Variants in IFNLR1 observed in about 807,000 individuals in gnomAD.
The protein encoded by IFNLR1 is CRF2-12.
IFNLR1 carries 28 observed loss-of-function variants against 52.5 expected under a neutral mutation model. The ratio of observed to expected loss-of-function variants is 0.53; its 90% CI spans 0.40 to 0.73. The LOEUF (loss-of-function observed/expected upper bound fraction) is 0.73. Ranked by LOEUF, IFNLR1 falls within the 30% of genes least tolerant of loss-of-function variation. The pLI, the probability that IFNLR1 is intolerant of heterozygous loss-of-function variation, is 0.00. For synonymous variants in IFNLR1, 276 were observed against 274.9 expected (o/e 1.00, Z -0.04); for missense variants, 623 against 659.1 (o/e 0.95, Z 0.60).
intron 2 of IFNLR1, among the ~76,000 whole-genome samples, chr1:24,177,254 A>G (rs1178978338): frequency 3.9e-5 from 6 of 152,230 alleles, no homozygotes; most frequent in African/African-American, 1.2e-4. Context: ...GGCTCACACG[A>G]TCACAAGGCG....
Position 24,157,040 on chromosome 1 carries a change from G to T in IFNLR1, c.*90C>A. 1 of 1,441,532 alleles carries T rather than the reference G, an allele frequency of 6.9e-7. No homozygotes were observed. Among genetic ancestry groups the T allele is most frequent in the Non-Finnish European group, 9.4e-7 (1 of 1,066,688 alleles). 89.3% of individuals were successfully genotyped at this position (1,441,532 alleles called of 1,614,324 possible). A position where few individuals can be genotyped will look rare whatever the true frequency, so the allele number is the denominator to read the frequency against. On this transcript the variant is annotated 3_prime_UTR_variant, in exon 7 of 7. Coordinates refer to ENST00000327535, the MANE Select transcript of IFNLR1 (RefSeq NM_170743.4). The surrounding 1 kb of genome is among the most constrained non-coding windows in gnomAD (Gnocchi z 5.1). ...CAATGCCCCTCCGCCGCCCAGGGGAGGTACGGAGGCTCTTGAGTTTCTTGG... is the reference window on the plus strand; with the variant it reads ...CAATGCCCCTCCGCCGCCCAGGGGATGTACGGAGGCTCTTGAGTTTCTTGG...
rs138626979 is a variant in IFNLR1, at chr1:24,155,357, A to G, written c.*1773T>C. On this transcript the variant is annotated 3_prime_UTR_variant, in exon 7 of 7. Coordinates refer to ENST00000327535, the MANE Select transcript of IFNLR1 (RefSeq NM_170743.4). ...GAGATCGAAGCTCTTACCCTTGGGG[A>G]TGTGCACAAGTCATCAGAGCAGCAC... The G allele has an allele frequency of 6.6e-6, 1 of 152,284 alleles. No homozygotes were observed. Among genetic ancestry groups the G allele is most frequent in the African/African-American group, 2.4e-5 (1 of 41,550 alleles). The allele number at this position is 152,284 out of a possible 1,614,324, so 9.4% of individuals were successfully genotyped here.
intron 4 of IFNLR1, 104 bp from the exon 5 acceptor site, chr1:24,159,737 G>GTTTTTTTTGTTTTGT: frequency 2.2e-6 from 1 of 458,766 alleles, no homozygotes; most frequent in African/African-American, 3.3e-5. Context: ...TTTTTTTTTT[G>GTTTTTTTTGTTTTGT]TTTTTTTTTT....
chr1:24,155,022 G>A lies in IFNLR1; in HGVS notation c.*2108C>T, dbSNP rs1273357103. 3 of 152,232 alleles carry A rather than the reference G, an allele frequency of 2.0e-5. No individual in the cohort carries two copies. The highest frequency in any genetic ancestry group is 3.8e-4 in the East Asian group (2 of 5,196). 9.4% of individuals were successfully genotyped at this position (152,232 alleles called of 1,614,324 possible). On this transcript the variant is annotated 3_prime_UTR_variant, in exon 7 of 7. Transcript: ENST00000327535. ...TTTACTTTTTTGAAGTTACCTCCAC[G>A]AAGCAGCTCGGCTGGTGCCAGAGAG...
At chr1:24,168,694 A>C (rs1470255064) in intron 3 of IFNLR1, among the ~76,000 whole-genome samples, 1 of 150,688 alleles carries the variant, frequency 6.6e-6, no homozygotes, top group Non-Finnish European at 1.5e-5. Flanking sequence ...CCCCCCACAA[A>C]TTTCTACAGT....
rs1052559522 is a variant in IFNLR1, at chr1:24,182,015, C to G, written c.59-1161G>C. Among the ~76,000 whole-genome samples the G allele has an allele frequency of 3.3e-5, 5 of 152,178 alleles. No homozygotes were observed. The South Asian group carries it at 6.2e-4, about 19-fold the overall frequency. On this transcript the variant is annotated intron_variant, in intron 1 of 6. Coordinates refer to ENST00000327535, the MANE Select transcript of IFNLR1 (RefSeq NM_170743.4). Reference sequence around the variant, plus strand: ...GGAATTCAAGACCAGTCTTGGCCAACTTGGTGAAACCTCGTCTCTACTAAA... The same window carrying G: ...GGAATTCAAGACCAGTCTTGGCCAAGTTGGTGAAACCTCGTCTCTACTAAA...
chr1:24,178,104 G>A (rs1024487321), intron 2 of IFNLR1, among the ~76,000 whole-genome samples: 27 of 152,062 alleles, frequency 1.8e-4, no homozygotes, highest in African/African-American at 6.5e-4. Flanking sequence ...GGCCAACATG[G>A]TGAAACCCCG....
At chr1:24,176,674 A>G (rs1351928236) in intron 2 of IFNLR1, among the ~76,000 whole-genome samples, 3 of 152,254 alleles carry the variant, frequency 2.0e-5, no homozygotes, top group Non-Finnish European at 2.9e-5. Flanking sequence ...ATGGAAGCAT[A>G]CAGTTTTTTA....
chr1:24,161,279 C>T, intron 4 of IFNLR1: 2 of 587,572 alleles, frequency 3.4e-6, no homozygotes. Flanking sequence ...GTGGTCATCT[C>T]TGGGTACTTT....
chr1:24,175,934 CAAA>C (rs10713683), intron 2 of IFNLR1, among the ~76,000 whole-genome samples: 3 of 91,898 alleles, frequency 3.3e-5, no homozygotes, highest in African/African-American at 3.5e-5. Flanking sequence ...AACTCTGTTT[CAAA>C]AAAAAAAAAA....
Position 24,169,328 on chromosome 1 carries a change from T to A in IFNLR1, c.367+89A>T, listed in dbSNP as rs1025705639. On this transcript the variant is annotated intron_variant, in intron 3 of 6. Coordinates refer to ENST00000327535, the MANE Select transcript of IFNLR1 (RefSeq NM_170743.4). ...CTGCTTTGGGGAAGTGGGAGACAGA[T>A]GGTCAGGAGAACAGAACCACTGAGC... is the stretch of plus-strand genomic sequence containing the variant. The A allele has an allele frequency of 4.0e-6, 5 of 1,244,774 alleles. No individual in the cohort carries two copies. In the Admixed American group the frequency reaches 6.9e-5, roughly 17 times the overall value. The allele number at this position is 1,244,774 out of a possible 1,614,324, so 77.1% of individuals were successfully genotyped here.
At chr1:24,182,317 T>G (rs1183679945) in intron 1 of IFNLR1, among the ~76,000 whole-genome samples, 9 of 152,294 alleles carry the variant, frequency 5.9e-5, no homozygotes, top group African/African-American at 2.2e-4. Context: ...AACCCTAATT[T>G]AGCTGGAGGC....
At chr1:24,162,962 C>CTTTTT (rs754939969) in intron 3 of IFNLR1, among the ~76,000 whole-genome samples, 1 of 89,410 alleles carries the variant, frequency 1.1e-5, no homozygotes, top group African/African-American at 4.4e-5. Context: ...TTTCTTTCCT[C>CTTTTT]TTTTTTTTTT....
chr1:24,171,767 C>T (rs941083442), intron 2 of IFNLR1, among the ~76,000 whole-genome samples: 3 of 152,180 alleles, frequency 2.0e-5, no homozygotes, highest in Non-Finnish European at 4.4e-5. Flanking sequence ...AAGAATTCTC[C>T]TGCCTCAGCC....
chr1:24,157,460 C>T lies in IFNLR1; in HGVS notation c.1233G>A (p.Gly411=), dbSNP rs977164858. The T allele has an allele frequency of 6.2e-6, 10 of 1,613,792 alleles. No homozygotes were observed. Among genetic ancestry groups the T allele is most frequent in the Admixed American group, 5.0e-5 (3 of 60,000 alleles). ...CATCCCCACCCGGCCCTTGGCCTGG[C>T]CCCTTCTCAGCCAAATAGCCAGAGG... is the stretch of plus-strand genomic sequence containing the variant. The part of the protein sequence containing the change: ...AGSSGYLAEK[G]PGQGPGGDGH... Residue 411 remains glycine, a synonymous_variant, in exon 7 of 7, where the codon GGG becomes GGA. Coordinates refer to ENST00000327535, the MANE Select transcript of IFNLR1 (RefSeq NM_170743.4). The surrounding 1 kb of genome is among the most constrained non-coding windows in gnomAD (Gnocchi z 5.1).
chr1:24,186,176 C>T (rs1644736320), intron 1 of IFNLR1, among the ~76,000 whole-genome samples: 1 of 152,146 alleles, frequency 6.6e-6, no homozygotes. Flanking sequence ...CTGCTGTGGG[C>T]ACTGGGGGCT....
intron 2 of IFNLR1, among the ~76,000 whole-genome samples, chr1:24,169,960 G>T (rs968327120): frequency 1.3e-5 from 2 of 152,172 alleles, no homozygotes; most frequent in Non-Finnish European, 2.9e-5. Flanking sequence ...TCATTCAGGC[G>T]TTTATGGGCC....
chr1:24,182,470 G>C (rs1644700534), intron 1 of IFNLR1, among the ~76,000 whole-genome samples: 2 of 152,122 alleles, frequency 1.3e-5, no homozygotes, highest in South Asian at 4.1e-4. Flanking sequence ...TGTGAATGCA[G>C]TTTTTTTCCT....
chr1:24,180,749 T>G lies in IFNLR1; in HGVS notation c.164A>C (p.Tyr55Ser), dbSNP rs1644681781. Residue 55 changes from tyrosine to serine, a missense_variant, in exon 2 of 7, where the codon TAT (tyrosine) becomes TCT (serine). Coordinates refer to ENST00000327535, the MANE Select transcript of IFNLR1 (RefSeq NM_170743.4). ...CCTCTACCTCTGATAGGCCACAAAA[T>G]AGGTCACATCCTGGGGGTTGCCAAG... The part of the protein sequence containing the change: ...PGLGNPQDVT[Y>S]FVAYQSSPTR... 7.3e-7 allele frequency: 1 copy of G among 1,364,654 alleles called. No homozygotes were observed. The highest frequency in any genetic ancestry group is 9.7e-7 in the Non-Finnish European group (1 of 1,032,496). The allele number at this position is 1,364,654 out of a possible 1,614,324, so 84.5% of individuals were successfully genotyped here.
Sources: allele counts gnomAD v4.1 joint callset (sites outside exome capture counted in the v4.1 genomes callset), GRCh38; gene constraint gnomAD v4.1.1; non-coding constraint Gnocchi (gnomAD v3.1); transcripts MANE v1.5; gene names NCBI Gene and HGNC (gene_info 2026-07-23, HGNC 2026-07-21).